The following LOXL3 variants were observed in gnomAD, a reference collection of about 807,000 sequenced individuals.
LOXL3 encodes the protein lysyl oxidase like 3.
In LOXL3, 60 loss-of-function variants were observed where a neutral mutation model predicts 91.8. The ratio of observed to expected loss-of-function variants is 0.65; its 90% CI spans 0.53 to 0.81. The LOEUF is 0.81. Ranked by LOEUF, LOXL3 falls within the 30% of genes least tolerant of loss-of-function variation. The pLI, the probability that LOXL3 is intolerant of heterozygous loss-of-function variation, is 0.00. For missense variants in LOXL3, 874 were observed against 1,000.4 expected, an observed-to-expected ratio of 0.87 and a Z score of 1.70; for synonymous variants, 355 against 387.6, an observed-to-expected ratio of 0.92 and a Z score of 0.99.
intron 4 of LOXL3, among the ~76,000 whole-genome samples, chr2:74,537,279 C>T (rs1676085517): frequency 6.6e-6 from 1 of 152,180 alleles, no homozygotes; most frequent in Non-Finnish European, 1.5e-5. Context: ...GAAGGGGAAA[C>T]CAGGACTTTC....
In LOXL3 at chr2:74,534,250, C is replaced by T. The variant is rs1436430546; in HGVS notation, c.1940-14G>A. ...GCTTGGAGACATCTGGAGGGATTGG[C>T]ATATGTCAGTGTAAGGAAAGGCTGT... On this transcript the variant is annotated splice_polypyrimidine_tract_variant and intron_variant, in intron 11 of 13. Coordinates refer to ENST00000264094, the MANE Select transcript of LOXL3 (RefSeq NM_032603.5). The T allele has an allele frequency of 6.2e-7, 1 of 1,614,130 alleles. No homozygotes were observed. Among genetic ancestry groups the T allele is most frequent in the Admixed American group, 1.7e-5 (1 of 60,024 alleles).
At chr2:74,553,797 A>G (rs1573034837) in intron 1 of LOXL3, 79 bp downstream of exon 1, 1 of 152,634 alleles carries the variant, frequency 6.6e-6, no homozygotes, top group Non-Finnish European at 1.5e-5. Context: ...TCCATCCCAC[A>G]CCACCCGTTT....
intron 4 of LOXL3, among the ~76,000 whole-genome samples, chr2:74,545,472 A>G (rs999610822): frequency 6.6e-6 from 1 of 152,202 alleles, no homozygotes; most frequent in African/African-American, 2.4e-5. Context: ...GCCTCCCTTT[A>G]TCCAGATCTT....
At chr2:74,546,765 G>A (rs1329735940) in intron 4 of LOXL3, among the ~76,000 whole-genome samples, 1 of 152,098 alleles carries the variant, frequency 6.6e-6, no homozygotes, top group Non-Finnish European at 1.5e-5. Flanking sequence ...TGCCCAGGCT[G>A]GAGTGCAATG....
Position 74,549,354 on chromosome 2 carries a change from C to A in LOXL3, c.692+15G>T. On this transcript the variant is annotated intron_variant, in intron 4 of 13. Coordinates refer to ENST00000264094, the MANE Select transcript of LOXL3 (RefSeq NM_032603.5). The surrounding 1 kb of genome is among the most constrained non-coding windows in gnomAD (Gnocchi z 5.3). ...CAATCCCGGCCTGCTCCGCCCGGCGCCCGCGGCCCCTCACCTGTAGAAGGC... is the reference window on the plus strand; with the variant it reads ...CAATCCCGGCCTGCTCCGCCCGGCGACCGCGGCCCCTCACCTGTAGAAGGC... 1 of 1,558,680 alleles carries A rather than the reference C, an allele frequency of 6.4e-7. No individual in the cohort carries two copies. The highest frequency in any genetic ancestry group is 1.9e-5 in the Admixed American group (1 of 52,994).
At position 74,542,025 on chromosome 2, in the gene LOXL3, G is replaced by A. The variant is rs541492482; in HGVS notation, c.693-5097C>T. Among the ~76,000 whole-genome samples, 4 of 152,342 alleles carry A rather than the reference G, an allele frequency of 2.6e-5. No homozygotes were observed. The East Asian group carries it at 7.7e-4, about 29-fold the overall frequency. On this transcript the variant is annotated intron_variant, in intron 4 of 13. Coordinates refer to ENST00000264094, the MANE Select transcript of LOXL3 (RefSeq NM_032603.5). ...AAACCTATGTAGGCCAGGGGCAGCGGCTTACGCCTGTAATCCCAGCACTTT... is the reference window on the plus strand; with the variant it reads ...AAACCTATGTAGGCCAGGGGCAGCGACTTACGCCTGTAATCCCAGCACTTT...
chr2:74,535,705 T>C lies in LOXL3; in HGVS notation c.1299A>G (p.Gln433=), dbSNP rs769748957. 2.2e-5 allele frequency: 36 copies of C among 1,603,804 alleles called. No homozygotes were observed. Among genetic ancestry groups the C allele is most frequent in the Non-Finnish European group, 3.0e-5 (35 of 1,177,006 alleles). ...AGCGAAGGGGCCCAGGTCCCCCTATTTGCACCTCGACTCGCCCCTCATGTT... is the reference window on the plus strand; with the variant it reads ...AGCGAAGGGGCCCAGGTCCCCCTATCTGCACCTCGACTCGCCCCTCATGTT... ...RSQHEGRVEV[Q]IGGPGPLRWG... is the part of the protein sequence containing the mutation. Residue 433 remains glutamine (Q), a synonymous_variant, in exon 8 of 14, where the codon CAA becomes CAG. Coordinates refer to ENST00000264094, the MANE Select transcript of LOXL3 (RefSeq NM_032603.5). The surrounding 1 kb of genome is among the most constrained non-coding windows in gnomAD (Gnocchi z 4.2).
intron 4 of LOXL3, among the ~76,000 whole-genome samples, chr2:74,543,483 C>A (rs1004326241): frequency 3.9e-5 from 6 of 152,182 alleles, no homozygotes; most frequent in Non-Finnish European, 7.3e-5. Context: ...TGACTTCTCC[C>A]TTTCTTGGAT....
chr2:74,544,353 T>C (rs2104423312), intron 4 of LOXL3, among the ~76,000 whole-genome samples: 1 of 152,266 alleles, frequency 6.6e-6, no homozygotes, highest in East Asian at 1.9e-4. Flanking sequence ...ATCAAAGGCT[T>C]CCCAATCCTT....
At chr2:74,550,044 T>G in intron 3 of LOXL3, 141 bp downstream of exon 3, 4 of 1,473,326 alleles carry the variant, frequency 2.7e-6, no homozygotes, top group Non-Finnish European at 3.6e-6. Context: ...ATCTGGGAGC[T>G]CTATCATTTG....
Position 74,533,561 on chromosome 2 carries a change from C to G in LOXL3, c.*45G>C, listed in dbSNP as rs1373591654. ...TCCTGAGGTAATGGCAGCCTCAGAC[C>G]CCTGCCATTAGGGGCCAGTGGTGGT... On this transcript the variant is annotated 3_prime_UTR_variant, in exon 14 of 14. Coordinates refer to ENST00000264094, the MANE Select transcript of LOXL3 (RefSeq NM_032603.5). 2 of 1,561,214 alleles carry G rather than the reference C, an allele frequency of 1.3e-6. No homozygotes were observed. The highest frequency in any genetic ancestry group is 1.4e-5 in the African/African-American group (1 of 73,654).
chr2:74,548,534 G>A (rs1238584094), intron 4 of LOXL3, among the ~76,000 whole-genome samples: 1 of 152,100 alleles, frequency 6.6e-6, no homozygotes, highest in African/African-American at 2.4e-5. Flanking sequence ...GACATCAAGA[G>A]GCCTTTCAGC....
rs1676885688 is a variant in LOXL3 at position 74,549,840 on chromosome 2, G to T, written c.478-257C>A. On this transcript the variant is annotated intron_variant, in intron 3 of 13. Transcript: ENST00000264094. The surrounding 1 kb of genome is among the most constrained non-coding windows in gnomAD (Gnocchi z 5.3). ...GAGGCCCTCCCTGTGCCTGGAGCAGGAGGGAGCACTTCAAAAAGGAAATGG... is the reference window on the plus strand; with the variant it reads ...GAGGCCCTCCCTGTGCCTGGAGCAGTAGGGAGCACTTCAAAAAGGAAATGG... 2 of 985,342 alleles carry T rather than the reference G, an allele frequency of 2.0e-6. No homozygotes were observed. The highest frequency in any genetic ancestry group is 6.1e-5 in the Admixed American group (1 of 16,276). The allele number at this position is 985,342 out of a possible 1,614,324, so 61.0% of individuals were successfully genotyped here. A position where few individuals can be genotyped will look rare whatever the true frequency, so the allele number is the denominator to read the frequency against.
chr2:74,550,272 C>A lies in LOXL3; in HGVS notation c.390G>T (p.Gly130=). ...CCTCATCGTGCGTACAGTCACTGTT[C>A]CCCCAGCCCCGGGAGGCACATTCAG... is the stretch of plus-strand genomic sequence containing the variant. The part of the protein sequence containing the change: ...SVTECASRGW[G]NSDCTHDEDA... Residue 130 remains glycine (G), a synonymous_variant, in exon 3 of 14, where the codon GGG becomes GGT. Coordinates refer to ENST00000264094, the MANE Select transcript of LOXL3 (RefSeq NM_032603.5). The A allele has an allele frequency of 6.2e-7, 1 of 1,614,136 alleles. No individual in the cohort carries two copies. The highest frequency in any genetic ancestry group is 8.5e-7 in the Non-Finnish European group (1 of 1,180,018).
At chr2:74,534,869 GTTTTTGTTTT>G in intron 9 of LOXL3, 95 bp from the exon 10 acceptor site, 1 of 1,357,318 alleles carries the variant, frequency 7.4e-7, no homozygotes, top group Non-Finnish European at 1.0e-6. Context: ...CTAGTTTTTT[GTTTTTGTTTT>G]TGTTTGTTTG....
In LOXL3 at chr2:74,535,346, TGTG is replaced by T; in HGVS notation, c.1522_1524del (p.His508del). On this transcript the variant is annotated inframe_deletion, in exon 9 of 14. Transcript: ENST00000264094. This position sits in a 1 kb window ranked among gnomAD's most constrained non-coding sequence, Gnocchi z 4.2. ...CGGGTCCCTGTCCTCTTGCAGGTGA[TGTG>T]GGTGCCATGATGGGCACACTGATCC... The T allele has an allele frequency of 6.2e-7, 1 of 1,614,100 alleles. No homozygotes were observed. The highest frequency in any genetic ancestry group is 1.1e-5 in the South Asian group (1 of 91,082).
chr2:74,542,002 A>G (rs1402140777), intron 4 of LOXL3, among the ~76,000 whole-genome samples: 1 of 152,154 alleles, frequency 6.6e-6, no homozygotes, highest in Non-Finnish European at 1.5e-5. Flanking sequence ...AAACATAAAA[A>G]CCTATGTAGG....
chr2:74,552,990 G>C (rs1336817558), intron 1 of LOXL3: 1 of 251,626 alleles, frequency 4.0e-6, no homozygotes, highest in Admixed American at 5.2e-5. Context: ...TGAGAGGAAG[G>C]GAGACTGTGG....
At chr2:74,546,014 GT>G (rs1345580574) in intron 4 of LOXL3, among the ~76,000 whole-genome samples, 36 of 152,114 alleles carry the variant, frequency 2.4e-4, no homozygotes, top group African/African-American at 8.5e-4. Flanking sequence ...TCCATTCACT[GT>G]TTTCCTTGTC....
Sources: gnomAD v4.1 joint callset for allele counts (sites outside exome capture counted in the v4.1 genomes callset) on GRCh38, gnomAD v4.1.1 for gene constraint, Gnocchi (gnomAD v3.1) non-coding constraint, MANE v1.5 for transcripts, NCBI Gene and HGNC (gene_info 2026-07-23, HGNC 2026-07-21) for gene names.